GPA33: variants seen among roughly 807,000 people sequenced by gnomAD.
GPA33 encodes glycoprotein A33, also known as cell surface A33 antigen.
Under a neutral mutation model 35.6 loss-of-function variants are expected in GPA33, and 27 were observed. The observed-to-expected ratio is 0.76, with a 90% CI of 0.56 to 1.04. The LOEUF (loss-of-function observed/expected upper bound fraction) is 1.04, where lower values mean the gene tolerates loss of function less well. GPA33 is among the 50% of genes least tolerant of loss of function. The pLI, the probability that GPA33 is intolerant of heterozygous loss-of-function variation, is 0.00. For missense variants in GPA33, 428 were observed against 411.9 expected, an observed-to-expected ratio of 1.04 and a Z score of -0.34; for synonymous variants, 176 against 164.0, an observed-to-expected ratio of 1.07 and a Z score of -0.56.
At chr1:167,059,063 T>C (rs958632279) in intron 4 of GPA33, among the ~76,000 whole-genome samples, 1 of 152,154 alleles carries the variant, frequency 6.6e-6, no homozygotes, top group Non-Finnish European at 1.5e-5. Context: ...AGGACTTTTT[T>C]AGTTGTCAGA....
chr1:167,087,910 T>TCACACACACACACACACACA (rs375861023), intron 1 of GPA33, among the ~76,000 whole-genome samples: 14 of 149,856 alleles, frequency 9.3e-5, no homozygotes, highest in African/African-American at 2.7e-4. Context: ...AGACTCTGTC[T>TCACACACACACACACACACA]CACACACACA....
Position 167,064,711 on chromosome 1 carries a change from C to G in GPA33, c.416-974G>C, listed in dbSNP as rs373077443. On this transcript the variant is annotated intron_variant, in intron 3 of 6. Transcript: ENST00000367868. ...CCCCTGAACTAAGTGATCTCTGAAG[C>G]CTTCCACTCTTAACTTCTTAGTAAT... Among the ~76,000 whole-genome samples the G allele has an allele frequency of 3.9e-4, 59 of 152,308 alleles. 2 individuals are homozygous for G. In the South Asian group the frequency reaches 0.012, roughly 30 times the overall value.
chr1:167,056,874 G>GCA (rs1571302945), intron 4 of GPA33, among the ~76,000 whole-genome samples: 2 of 10,396 alleles, frequency 1.9e-4, no homozygotes. Flanking sequence ...TGTGGTGTGT[G>GCA]GTGTGTGTGG....
Position 167,053,041 on chromosome 1 carries a change from A to G in GPA33, c.*1293T>C, listed in dbSNP as rs1346278995. The stretch of plus-strand genomic sequence containing the variant: ...AGCCACTGGTCCATGAGACCTAAGC[A>G]GCCCTAACGCTGCCTGAGCTCTCAA... On this transcript the variant is annotated 3_prime_UTR_variant, in exon 7 of 7. Coordinates refer to ENST00000367868, the MANE Select transcript of GPA33 (RefSeq NM_005814.3). 6.6e-6 allele frequency: 1 copy of G among 152,208 alleles called. No homozygotes were observed. Among genetic ancestry groups the G allele is most frequent in the African/African-American group, 2.4e-5 (1 of 41,466 alleles). The allele number at this position is 152,208 out of a possible 1,614,324, so 9.4% of individuals were successfully genotyped here.
At position 167,068,939 on chromosome 1, in the gene GPA33, A is replaced by G; in HGVS notation, c.398T>C (p.Val133Ala). The change falls in exon 3 of 7, where the codon GTC becomes GCC. Residue 133 changes from valine (V) to alanine (A), a missense_variant. Transcript: ENST00000367868. The part of the protein sequence containing the change: ...SDLEGNTKSR[V>A]RLLVLVPPSK... ...ACACTCACCGAGGACCAACAGGCGG[A>G]CACGTGACTTGGTGTTGCCCTCCAG... The G allele has an allele frequency of 1.2e-6, 2 of 1,612,720 alleles. No homozygotes were observed. Among genetic ancestry groups the G allele is most frequent in the Non-Finnish European group, 1.7e-6 (2 of 1,179,682 alleles).
Position 167,053,866 on chromosome 1 carries a change from C to T in GPA33, c.*468G>A, listed in dbSNP as rs145794171. The T allele has an allele frequency of 6.8e-3, 1,084 of 159,752 alleles. 7 individuals carry two copies. The highest frequency in any genetic ancestry group is 9.8e-3 in the Non-Finnish European group (715 of 72,778). 9.9% of individuals were successfully genotyped at this position (159,752 alleles called of 1,614,324 possible). The stretch of plus-strand genomic sequence containing the variant: ...CAGGGCCCAAGCATACTCACTTATT[C>T]TTTCATTCATTCAAGAAAGATGTGT... On this transcript the variant is annotated 3_prime_UTR_variant, in exon 7 of 7. Coordinates refer to ENST00000367868, the MANE Select transcript of GPA33 (RefSeq NM_005814.3).
intron 4 of GPA33, among the ~76,000 whole-genome samples, chr1:167,060,302 T>C (rs897319011): frequency 6.6e-6 from 1 of 152,082 alleles, no homozygotes; most frequent in Non-Finnish European, 1.5e-5. Flanking sequence ...CGAACTCCTG[T>C]ACTCAAGCGA....
intron 4 of GPA33, among the ~76,000 whole-genome samples, chr1:167,056,586 GGTATGTGTGTATGTGGTGTGTGT>G (rs1666264073): frequency 2.7e-4 from 1 of 3,654 alleles, no homozygotes; most frequent in Non-Finnish European, 8.5e-4. Flanking sequence ...GCATATGTGT[GGTATGTGTGTATGTGGTGTGTGT>G]AGTGTGTGTG....
intron 3 of GPA33, among the ~76,000 whole-genome samples, chr1:167,068,212 T>C (rs927903373): frequency 6.6e-6 from 1 of 152,152 alleles, no homozygotes; most frequent in Non-Finnish European, 1.5e-5. Context: ...CTCCCAGCAG[T>C]GGTGCCATTT....
At chr1:167,084,359 T>A (rs924428262) in intron 1 of GPA33, among the ~76,000 whole-genome samples, 4 of 152,182 alleles carry the variant, frequency 2.6e-5, no homozygotes, top group African/African-American at 9.7e-5. Context: ...GCTAAAATCA[T>A]CACACAAAGT....
chr1:167,073,331 C>T, intron 2 of GPA33, 54 bp downstream of exon 2: 1 of 1,480,620 alleles, frequency 6.8e-7, no homozygotes, highest in Non-Finnish European at 9.4e-7. Context: ...TCTAAGAGGT[C>T]CTGGTCAGGT....
chr1:167,067,774 G>A (rs1403041386), intron 3 of GPA33, among the ~76,000 whole-genome samples: 1 of 152,140 alleles, frequency 6.6e-6, no homozygotes, highest in Non-Finnish European at 1.5e-5. Flanking sequence ...CTGGAGAAAT[G>A]CGCATGAAAC....
At chr1:167,088,787 G>T (rs1667103625) in intron 1 of GPA33, among the ~76,000 whole-genome samples, 1 of 152,174 alleles carries the variant, frequency 6.6e-6, no homozygotes, top group Admixed American at 6.5e-5. Context: ...TGTGTTGGGG[G>T]TTGGGGTGGT....
In GPA33 at chr1:167,088,207, C is replaced by A. The variant is rs527715802; in HGVS notation, c.43+2038G>T. ...GTCAAGCTCCACCTCCTCCAGGAAG[C>A]CTTTCCTAATGTCCCTGCTCCTAAC... On this transcript the variant is annotated intron_variant, in intron 1 of 6. Transcript: ENST00000367868. Among the ~76,000 whole-genome samples, 3 of 152,244 alleles carry A rather than the reference C, an allele frequency of 2.0e-5. No homozygotes were observed. In the South Asian group the frequency reaches 6.2e-4, roughly 32 times the overall value.
rs1666658855 is a variant in GPA33, at chr1:167,069,002, T to C, written c.335A>G (p.Asn112Ser). ...ITIDQLTMAD[N>S]GTYECSVSLM... ...CGAGACAGAACACTCGTAGGTGCCG[T>C]TGTCAGCCATGGTCAGCTGATCAAT... Residue 112 changes from asparagine (N) to serine (S), a missense_variant, in exon 3 of 7, where the codon AAC (asparagine) becomes AGC (serine). Transcript: ENST00000367868. 2.5e-6 allele frequency: 4 copies of C among 1,614,054 alleles called. No individual in the cohort carries two copies. Among genetic ancestry groups the C allele is most frequent in the East Asian group, 2.2e-5 (1 of 44,880 alleles).
chr1:167,075,962 T>A (rs1256507759), intron 1 of GPA33, among the ~76,000 whole-genome samples: 2 of 152,096 alleles, frequency 1.3e-5, no homozygotes, highest in Non-Finnish European at 2.9e-5. Context: ...TCATTGGATG[T>A]GGCCACATGG....
chr1:167,073,615 A>G lies in GPA33; in HGVS notation c.44-76T>C. ...ATACCCACTCACTGCCCACAGGACCACTGAGGGAATGTCCAGGGCTGTTCT... is the reference window on the plus strand; with the variant it reads ...ATACCCACTCACTGCCCACAGGACCGCTGAGGGAATGTCCAGGGCTGTTCT... On this transcript the variant is annotated intron_variant, in intron 1 of 6. Transcript: ENST00000367868. 3.9e-6 allele frequency: 5 copies of G among 1,273,834 alleles called. No homozygotes were observed. In the South Asian group the frequency reaches 6.7e-5, roughly 17 times the overall value. The allele number at this position is 1,273,834 out of a possible 1,614,324, so 78.9% of individuals were successfully genotyped here.
rs758507250 is a variant in GPA33, at chr1:167,069,019, C to A, written c.318G>T (p.Gln106His). 1 of 1,614,042 alleles carries A rather than the reference C, an allele frequency of 6.2e-7. No homozygotes were observed. The highest frequency in any genetic ancestry group is 8.5e-7 in the Non-Finnish European group (1 of 1,179,894). The stretch of plus-strand genomic sequence containing the variant: ...AGGTGCCGTTGTCAGCCATGGTCAG[C>A]TGATCAATGGTGATGGAGGCATCGG... The part of the protein sequence containing the change: ...EQSDASITID[Q>H]LTMADNGTYE... Residue 106 changes from glutamine to histidine, a missense_variant, in exon 3 of 7, where the codon CAG becomes CAT. Transcript: ENST00000367868.
At chr1:167,082,394 G>T in intron 1 of GPA33, 2 of 440,888 alleles carry the variant, frequency 4.5e-6, no homozygotes, top group Middle Eastern at 6.7e-4. Context: ...AGCCTATTTT[G>T]TCAGGAGCTC....
Sources: gnomAD v4.1 joint callset for allele counts (sites outside exome capture counted in the v4.1 genomes callset) on GRCh38, gnomAD v4.1.1 for gene constraint, MANE v1.5 for transcripts, NCBI Gene and HGNC (gene_info 2026-07-23, HGNC 2026-07-21) for gene names.